Variants in UBE3A observed in about 807,000 individuals in gnomAD.
UBE3A encodes the protein ubiquitin-protein ligase E3A.
UBE3A carries 6 observed loss-of-function variants against 83.4 expected under a neutral mutation model. The observed-to-expected ratio is 0.07, with a 90% CI of 0.04 to 0.14. The LOEUF (loss-of-function observed/expected upper bound fraction) is 0.14. UBE3A is among the 10% of genes least tolerant of loss of function. The pLI is 1.00. For synonymous variants in UBE3A, 337 were observed against 355.4 expected (o/e 0.95, Z 0.58); for missense variants, 456 against 1,036.1 (o/e 0.44, Z 7.69).
intron 1 of UBE3A, among the ~76,000 whole-genome samples, chr15:25,425,745 A>T (rs1450941372): frequency 6.6e-6 from 1 of 152,204 alleles, no homozygotes; most frequent in East Asian, 1.9e-4. Context: ...CCTCATCCTC[A>T]AAAATAGATT....
intron 1 of UBE3A, among the ~76,000 whole-genome samples, chr15:25,429,867 T>C (rs1157045739): frequency 1.3e-5 from 2 of 149,268 alleles, no homozygotes; most frequent in East Asian, 2.0e-4. Context: ...TAGCCGGGCG[T>C]GGTAGTGCAC....
At chr15:25,422,097 T>TA (rs1427339419) in intron 1 of UBE3A, 6 of 152,108 alleles carry the variant, frequency 3.9e-5, no homozygotes, top group Admixed American at 6.5e-5. Context: ...ATATTGTATT[T>TA]AAAAAAACGA....
intron 4 of UBE3A, 145 bp downstream of exon 4, chr15:25,405,316 A>C: frequency 1.1e-6 from 1 of 898,358 alleles, no homozygotes; most frequent in South Asian, 1.5e-5. Context: ...GATAGGAAAA[A>C]AAGTAGGTAT....
chr15:25,437,983 C>T (rs1352854072), intron 1 of UBE3A: 1 of 152,308 alleles, frequency 6.6e-6, no homozygotes, highest in Non-Finnish European at 1.5e-5. Flanking sequence ...GTGCGCACAA[C>T]CCTTGGGCTT....
intron 11 of UBE3A, among the ~76,000 whole-genome samples, chr15:25,352,490 A>G (rs1397531165): frequency 6.6e-6 from 1 of 152,246 alleles, no homozygotes; most frequent in African/African-American, 2.4e-5. Context: ...TCAAGTGTGT[A>G]ACAGCATTGT....
intron 2 of UBE3A, 48 bp downstream of exon 2, chr15:25,411,860 T>G (rs1305776756): frequency 1.3e-5 from 2 of 152,194 alleles, no homozygotes; most frequent in Non-Finnish European, 2.9e-5. Flanking sequence ...ATTATGACAT[T>G]AAGATACACA....
intron 11 of UBE3A, chr15:25,353,993 G>A: frequency 3.3e-6 from 1 of 302,722 alleles, no homozygotes. Context: ...GGGAAGCCAT[G>A]TAACAGTTCA....
chr15:25,369,899 C>T (rs749462935), intron 6 of UBE3A, among the ~76,000 whole-genome samples: 9 of 152,156 alleles, frequency 5.9e-5, no homozygotes, highest in Admixed American at 2.0e-4. Flanking sequence ...TCTCCCTGGA[C>T]TTGATGTTAC....
At chr15:25,419,529 TAAAAGG>T (rs1888679265) in intron 1 of UBE3A, 1 of 151,896 alleles carries the variant, frequency 6.6e-6, no homozygotes, top group Non-Finnish European at 1.5e-5. Flanking sequence ...TTTTTTCAAG[TAAAAGG>T]AAAATAACAC....
At chr15:25,421,301 A>G (rs1217899657) in intron 1 of UBE3A, among the ~76,000 whole-genome samples, 1 of 152,232 alleles carries the variant, frequency 6.6e-6, no homozygotes, top group Non-Finnish European at 1.5e-5. Context: ...GCTCCCCAGA[A>G]GCTGAGCAGA....
At chr15:25,405,560 T>G in intron 3 of UBE3A, 58 bp from the exon 4 acceptor site, 1 of 1,518,972 alleles carries the variant, frequency 6.6e-7, no homozygotes, top group Non-Finnish European at 9.1e-7. Context: ...AAAAAAAAGG[T>G]AGACATATTA....
chr15:25,343,431 TAAG>T (rs940877573), intron 11 of UBE3A, among the ~76,000 whole-genome samples: 2 of 151,888 alleles, frequency 1.3e-5, no homozygotes, highest in Non-Finnish European at 2.9e-5. Context: ...TAAATAAAAA[TAAG>T]AATACTAAAA....
At chr15:25,401,869 T>C (rs1212160704) in intron 4 of UBE3A, among the ~76,000 whole-genome samples, 3 of 152,244 alleles carry the variant, frequency 2.0e-5, no homozygotes, top group Non-Finnish European at 1.5e-5. Flanking sequence ...ATTCCATTTA[T>C]TGCATTTTCA....
At chr15:25,429,365 A>G (rs1327229282) in intron 1 of UBE3A, among the ~76,000 whole-genome samples, 1 of 152,220 alleles carries the variant, frequency 6.6e-6, no homozygotes, top group East Asian at 1.9e-4. Context: ...GGTGGTGGAT[A>G]AATAGGCACT....
Position 25,335,375 on chromosome 15 carries a change from A to C in UBE3A, c.*3762T>G, listed in dbSNP as rs994257188. 2 of 152,320 alleles carry C rather than the reference A, an allele frequency of 1.3e-5. No individual in the cohort carries two copies. Among genetic ancestry groups the C allele is most frequent in the African/African-American group, 4.8e-5 (2 of 41,466 alleles). 9.4% of individuals were successfully genotyped at this position (152,320 alleles called of 1,614,324 possible). On this transcript the variant is annotated 3_prime_UTR_variant, in exon 13 of 13. Transcript: ENST00000648336. ...AGGTCAGTGAGGGGGCAATCTGTGGAGGCACTGAATGCAGAGGATATTAAA... is the reference window on the plus strand; with the variant it reads ...AGGTCAGTGAGGGGGCAATCTGTGGCGGCACTGAATGCAGAGGATATTAAA...
intron 4 of UBE3A, among the ~76,000 whole-genome samples, chr15:25,380,023 G>C (rs1013904707): frequency 6.6e-6 from 1 of 152,030 alleles, no homozygotes; most frequent in African/African-American, 2.4e-5. Context: ...TGTTGTAGGA[G>C]TGACCCCCTG....
chr15:25,395,185 G>GT (rs1398030579), intron 4 of UBE3A, among the ~76,000 whole-genome samples: 4 of 152,182 alleles, frequency 2.6e-5, no homozygotes, highest in African/African-American at 9.7e-5. Context: ...AGCAAGTGCG[G>GT]TAGAGAGATC....
intron 3 of UBE3A, chr15:25,408,770 C>T: frequency 8.8e-7 from 1 of 1,132,604 alleles, no homozygotes; most frequent in South Asian, 1.7e-5. Flanking sequence ...ACATAAAAGG[C>T]ATACTTTAAA....
At chr15:25,366,259 G>A (rs952805977) in intron 6 of UBE3A, among the ~76,000 whole-genome samples, 1 of 152,250 alleles carries the variant, frequency 6.6e-6, no homozygotes, top group African/African-American at 2.4e-5. Flanking sequence ...GTATGTGTAA[G>A]ACAAAATTAA....
Sources: gnomAD v4.1 joint callset for allele counts (sites outside exome capture counted in the v4.1 genomes callset) on GRCh38, gnomAD v4.1.1 for gene constraint, MANE v1.5 for transcripts, NCBI Gene and HGNC (gene_info 2026-07-23, HGNC 2026-07-21) for gene names.